Variants in PPP1R21 observed in about 807,000 individuals in gnomAD.
The protein encoded by PPP1R21 is KLRAQ motif containing 1.
Under a neutral mutation model 112.8 loss-of-function variants are expected in PPP1R21, and 85 were observed. The observed-to-expected ratio is 0.75, with a 90% CI of 0.63 to 0.90. The LOEUF is 0.90. Ranked by LOEUF, PPP1R21 falls within the 40% of genes least tolerant of loss-of-function variation. PPP1R21 has a pLI of 0.00. For synonymous variants in PPP1R21, 381 were observed against 322.3 expected, an observed-to-expected ratio of 1.18 and a Z score of -1.95; for missense variants, 1,199 against 901.5, an observed-to-expected ratio of 1.33 and a Z score of -4.23.
At chr2:48,494,608 G>T (rs1279392598) in intron 15 of PPP1R21, among the ~76,000 whole-genome samples, 1 of 151,912 alleles carries the variant, frequency 6.6e-6, no homozygotes, top group South Asian at 2.1e-4. Context: ...TAGAAACGGG[G>T]TTTCACCATG....
At chr2:48,511,072 T>TG (rs923892428) in intron 20 of PPP1R21, among the ~76,000 whole-genome samples, 11 of 152,216 alleles carry the variant, frequency 7.2e-5, no homozygotes, top group African/African-American at 2.4e-4. Context: ...TGTACATGTT[T>TG]GGGGGGGACA....
At chr2:48,500,801 C>T (rs1017918584) in intron 17 of PPP1R21, among the ~76,000 whole-genome samples, 11 of 151,874 alleles carry the variant, frequency 7.2e-5, no homozygotes, top group Admixed American at 1.3e-4. Flanking sequence ...CTCAGCTACT[C>T]GGGAGGCTGA....
At chr2:48,488,899 A>G (rs1669431443) in intron 14 of PPP1R21, among the ~76,000 whole-genome samples, 1 of 152,212 alleles carries the variant, frequency 6.6e-6, no homozygotes, top group African/African-American at 2.4e-5. Context: ...AAATATTAGA[A>G]AAAAGAAAAG....
chr2:48,452,374 C>G (rs1049129936), intron 2 of PPP1R21, among the ~76,000 whole-genome samples: 2 of 151,972 alleles, frequency 1.3e-5, no homozygotes, highest in African/African-American at 4.8e-5. Context: ...TCACAACAAC[C>G]CGATGAGGTC....
chr2:48,506,078 A>G (rs143731917), intron 18 of PPP1R21, among the ~76,000 whole-genome samples: 64 of 152,230 alleles, frequency 4.2e-4, no homozygotes, highest in African/African-American at 1.4e-3. Flanking sequence ...ATTTTGAAAT[A>G]TTCTAAGATG....
chr2:48,470,990 A>C, intron 9 of PPP1R21, 97 bp from the exon 10 acceptor site: 1 of 832,176 alleles, frequency 1.2e-6, no homozygotes, highest in Non-Finnish European at 2.0e-6. Context: ...TATCAGGTTT[A>C]CAATTTAGGT....
In PPP1R21 at chr2:48,440,875, C is replaced by T. The variant is rs1013948201; in HGVS notation, c.-79C>T. 1.4e-5 allele frequency: 12 copies of T among 831,334 alleles called. No individual in the cohort carries two copies. The Admixed American group carries it at 3.0e-4, about 20-fold the overall frequency. 51.5% of individuals were successfully genotyped at this position (831,334 alleles called of 1,614,324 possible). A position where few individuals can be genotyped will look rare whatever the true frequency, so the allele number is the denominator to read the frequency against. On this transcript the variant is annotated 5_prime_UTR_variant, in exon 1 of 22. Transcript: ENST00000294952. ...AGGCAGATACTGCCTGACCCGTTCC[C>T]GGGAGCGTGTCTGGGTTTGGGGGCG...
At chr2:48,497,883 C>T (rs1669920894) in intron 16 of PPP1R21, among the ~76,000 whole-genome samples, 1 of 152,050 alleles carries the variant, frequency 6.6e-6, no homozygotes, top group Non-Finnish European at 1.5e-5. Context: ...GATCTCCTGA[C>T]CTCGTGATCA....
At chr2:48,497,091 A>G (rs571129911) in intron 16 of PPP1R21, among the ~76,000 whole-genome samples, 1 of 152,338 alleles carries the variant, frequency 6.6e-6, no homozygotes, top group East Asian at 1.9e-4. Flanking sequence ...GTTAGTCACA[A>G]GTTCTCAAGG....
At chr2:48,502,932 G>A (rs1267114022) in intron 17 of PPP1R21, among the ~76,000 whole-genome samples, 6 of 151,920 alleles carry the variant, frequency 3.9e-5, no homozygotes, top group East Asian at 1.9e-4. Flanking sequence ...CGCCCACCTC[G>A]GCCTCCCAAA....
chr2:48,486,633 A>G lies in PPP1R21; in HGVS notation c.1321A>G (p.Ile441Val), dbSNP rs1413005374. The G allele has an allele frequency of 6.2e-7, 1 of 1,608,196 alleles. No homozygotes were observed. Among genetic ancestry groups the G allele is most frequent in the Admixed American group, 1.7e-5 (1 of 59,854 alleles). Residue 441 changes from isoleucine (I) to valine (V), a missense_variant and splice_region_variant, in exon 14 of 22, where the codon ATT becomes GTT. Physicochemically the swap from Ile to Val is conservative, Grantham distance 29. Coordinates refer to ENST00000294952, the MANE Select transcript of PPP1R21 (RefSeq NM_001135629.3). ...LHGFHDVMKD[I>V]SKHYSQKAAI... ...TTTTCATGTAATTGCTTTTATAGAT[A>G]TTTCCAAACATTATAGTCAAAAAGC...
chr2:48,445,203 A>T (rs926692027), intron 1 of PPP1R21, among the ~76,000 whole-genome samples: 1 of 150,562 alleles, frequency 6.6e-6, no homozygotes, highest in African/African-American at 2.5e-5. Context: ...GGGTTGGAAA[A>T]CAGGTTTGTG....
rs1261235895 is a variant in PPP1R21, at chr2:48,511,480, G to T, written c.2313+12G>T. The T allele has an allele frequency of 6.2e-7, 1 of 1,609,852 alleles. No homozygotes were observed. The highest frequency in any genetic ancestry group is 1.1e-5 in the South Asian group (1 of 90,144). ...AGATGTCCAGTAAGGTATGTGAGGTGAGGTGAGGTAGTCTCTCTGCAATAT... is the reference window on the plus strand; with the variant it reads ...AGATGTCCAGTAAGGTATGTGAGGTTAGGTGAGGTAGTCTCTCTGCAATAT... On this transcript the variant is annotated intron_variant, in intron 21 of 21. Transcript: ENST00000294952.
chr2:48,508,613 C>G (rs1670492315), intron 19 of PPP1R21, among the ~76,000 whole-genome samples: 1 of 152,194 alleles, frequency 6.6e-6, no homozygotes, highest in African/African-American at 2.4e-5. Flanking sequence ...GGCAGTCCAG[C>G]AGGCATGGAT....
intron 12 of PPP1R21, among the ~76,000 whole-genome samples, chr2:48,478,567 G>C (rs1372100170): frequency 6.6e-6 from 1 of 152,128 alleles, no homozygotes; most frequent in African/African-American, 2.4e-5. Flanking sequence ...AAATGTCGTG[G>C]GGCATCAATT....
chr2:48,469,487 GCATATATATATATATAT>G (rs1668394192), intron 9 of PPP1R21, among the ~76,000 whole-genome samples: 1 of 35,560 alleles, frequency 2.8e-5, no homozygotes, highest in Non-Finnish European at 5.2e-5. Flanking sequence ...TATATATAGA[GCATATATATATATATAT>G]AGAGCATATA....
chr2:48,447,524 G>A (rs1667300036), intron 1 of PPP1R21, among the ~76,000 whole-genome samples: 1 of 152,070 alleles, frequency 6.6e-6, no homozygotes, highest in African/African-American at 2.4e-5. Context: ...CATATGCATT[G>A]GTGTCTCCAT....
At chr2:48,459,359 A>C (rs998476132) in intron 4 of PPP1R21, among the ~76,000 whole-genome samples, 6 of 152,202 alleles carry the variant, frequency 3.9e-5, no homozygotes, top group African/African-American at 1.4e-4. Flanking sequence ...TTTTATGTGA[A>C]AGTTAGCTTA....
chr2:48,509,087 A>G (rs1291829087), intron 19 of PPP1R21, among the ~76,000 whole-genome samples: 1 of 152,160 alleles, frequency 6.6e-6, no homozygotes, highest in African/African-American at 2.4e-5. Context: ...TTTGAACAAT[A>G]TTGTGAAATA....
Sources: gnomAD v4.1 joint callset for allele counts (sites outside exome capture counted in the v4.1 genomes callset) on GRCh38, gnomAD v4.1.1 for gene constraint, MANE v1.5 for transcripts, NCBI Gene and HGNC (gene_info 2026-07-23, HGNC 2026-07-21) for gene names.